The following COL25A1 variants were observed in gnomAD, a reference collection of about 807,000 sequenced individuals.
The protein encoded by COL25A1 is collagen alpha-1(XXV) chain.
A neutral mutation model predicts 128.4 loss-of-function variants in COL25A1; 103 were observed. The ratio of observed to expected loss-of-function variants is 0.80; its 90% CI spans 0.68 to 0.94. COL25A1 has a LOEUF of 0.94. Among genes scored for constraint, COL25A1 ranks in the 40% least tolerant of loss-of-function variants. COL25A1 has a pLI of 0.00. For missense variants in COL25A1, 745 were observed against 840.0 expected, an observed-to-expected ratio of 0.89 and a Z score of 1.40; for synonymous variants, 279 against 277.2, an observed-to-expected ratio of 1.01 and a Z score of -0.06.
chr4:109,087,587 T>C (rs1764527569), intron 3 of COL25A1, among the ~76,000 whole-genome samples: 1 of 152,242 alleles, frequency 6.6e-6, no homozygotes, highest in East Asian at 1.9e-4. Flanking sequence ...TCTACTCTAT[T>C]GAACCACACT....
chr4:109,172,862 A>T (rs190781599), intron 3 of COL25A1, among the ~76,000 whole-genome samples: 1 of 152,310 alleles, frequency 6.6e-6, no homozygotes, highest in East Asian at 1.9e-4. Context: ...TGGAAGATTC[A>T]TCATGGGGTA....
At chr4:109,227,365 G>A (rs373175414) in intron 3 of COL25A1, among the ~76,000 whole-genome samples, 2 of 152,174 alleles carry the variant, frequency 1.3e-5, no homozygotes, top group Non-Finnish European at 2.9e-5. Flanking sequence ...ATAATGAATT[G>A]TTACTATGTG....
intron 5 of COL25A1, among the ~76,000 whole-genome samples, chr4:109,041,373 A>T (rs964798417): frequency 1.0e-4 from 6 of 58,538 alleles, no homozygotes; most frequent in East Asian, 6.6e-4. Context: ...CCCCTTTTTT[A>T]AAAAAAAATC....
Position 108,913,261 on chromosome 4 carries a change from C to CTTTTTTTTTTT in COL25A1, c.780+4900_780+4910dup, listed in dbSNP as rs201929872. ...TTTGTGTGGTCTCTGTCTCTAGCTC[C>CTTTTTTTTTTT]TTTTTTTTTTTTTTTTTTTTTTAAG... On this transcript the variant is annotated intron_variant, in intron 13 of 37. Transcript: ENST00000399132. Among the ~76,000 whole-genome samples the CTTTTTTTTTTT allele has an allele frequency of 1.7e-3, 160 of 92,404 alleles. 23 individuals are homozygous for CTTTTTTTTTTT. The highest frequency in any genetic ancestry group is 6.0e-3 in the East Asian group (9 of 1,502). The allele number at this position is 92,404 out of a possible 152,430, so 60.6% of individuals were successfully genotyped here.
At position 108,974,529 on chromosome 4, in the gene COL25A1, T is replaced by C. The variant is rs1292213158; in HGVS notation, c.465+4A>G. 1 of 1,610,302 alleles carries C rather than the reference T, an allele frequency of 6.2e-7. No homozygotes were observed. The highest frequency in any genetic ancestry group is 8.5e-7 in the Non-Finnish European group (1 of 1,178,600). Reference sequence around the variant, plus strand: ...AACTTTATTTCTGGTATGCATTTTCTTACCTTATCGCCTTTTGGACCAGGA... The same window carrying C: ...AACTTTATTTCTGGTATGCATTTTCCTACCTTATCGCCTTTTGGACCAGGA... On this transcript the variant is annotated splice_donor_region_variant and intron_variant, in intron 7 of 37. Transcript: ENST00000399132.
chr4:108,915,284 T>C (rs1744736079), intron 13 of COL25A1, among the ~76,000 whole-genome samples: 1 of 152,238 alleles, frequency 6.6e-6, no homozygotes, highest in Non-Finnish European at 1.5e-5. Context: ...GGCCATCACC[T>C]ATTTTGCCAA....
intron 3 of COL25A1, among the ~76,000 whole-genome samples, chr4:109,052,522 A>G (rs1252722764): frequency 6.6e-6 from 1 of 152,214 alleles, no homozygotes; most frequent in African/African-American, 2.4e-5. Flanking sequence ...ATTTACAAAG[A>G]AAATATTGGA....
In COL25A1 at chr4:109,219,386, G is replaced by A. The variant is rs147684919; in HGVS notation, c.367+81197C>T. 3.7e-4 allele frequency among the ~76,000 whole-genome samples: 57 copies of A among 152,032 alleles called. 1 individual carries two copies. The highest frequency in any genetic ancestry group is 1.3e-3 in the African/African-American group (55 of 41,480). ...CAGTTTCTACCAACAGTCACACAGA[G>A]AATGAGTTTTTTTTTTAAGGTACAA... On this transcript the variant is annotated intron_variant, in intron 3 of 37. Coordinates refer to ENST00000399132, the MANE Select transcript of COL25A1 (RefSeq NM_198721.4).
intron 3 of COL25A1, among the ~76,000 whole-genome samples, chr4:109,283,949 G>GA (rs1723622543): frequency 6.6e-6 from 1 of 152,184 alleles, no homozygotes; most frequent in South Asian, 2.1e-4. Context: ...ATCTAAGTGG[G>GA]AAAAAACAGT....
At chr4:109,204,273 C>A (rs1776811125) in intron 3 of COL25A1, among the ~76,000 whole-genome samples, 1 of 152,004 alleles carries the variant, frequency 6.6e-6, no homozygotes, top group Admixed American at 6.6e-5. Context: ...TAAAGGATCC[C>A]AAAGTGGCTG....
intron 3 of COL25A1, among the ~76,000 whole-genome samples, chr4:109,159,488 C>G (rs2704105): frequency 0.065 from 9,905 of 152,182 alleles, 580 homozygotes; most frequent in African/African-American, 0.15. Flanking sequence ...CAGCACCACC[C>G]CTGTCCCACC....
At chr4:109,235,906 T>C (rs17040156) in intron 3 of COL25A1, among the ~76,000 whole-genome samples, 10,935 of 152,092 alleles carry the variant, frequency 0.072, 915 homozygotes, top group African/African-American at 0.2. Context: ...TTGGCACAGA[T>C]TGGGCAGTTA....
At chr4:109,134,566 T>C (rs1398265203) in intron 3 of COL25A1, among the ~76,000 whole-genome samples, 1 of 152,122 alleles carries the variant, frequency 6.6e-6, no homozygotes, top group Non-Finnish European at 1.5e-5. Context: ...TTATGATATC[T>C]ATAAGCATGA....
At chr4:109,214,861 A>G (rs1468581514) in intron 3 of COL25A1, among the ~76,000 whole-genome samples, 4 of 152,158 alleles carry the variant, frequency 2.6e-5, no homozygotes, top group African/African-American at 9.6e-5. Context: ...TGGCTGGCAT[A>G]GCGCTAACGA....
At position 109,064,413 on chromosome 4, in the gene COL25A1, T is replaced by A. The variant is rs1179516975; in HGVS notation, c.368-14234A>T. ...AGACATAATTACAAAGTTCTACAAG[T>A]AAATGGATAATAAGTTGATGTTAAT... On this transcript the variant is annotated intron_variant, in intron 3 of 37. Transcript: ENST00000399132. Among the ~76,000 whole-genome samples, 3 of 152,330 alleles carry A rather than the reference T, an allele frequency of 2.0e-5. No individual in the cohort carries two copies. The South Asian group carries it at 6.2e-4, about 32-fold the overall frequency.
chr4:109,250,060 AAAGAGT>A (rs1005001119), intron 3 of COL25A1, among the ~76,000 whole-genome samples: 7 of 152,144 alleles, frequency 4.6e-5, no homozygotes, highest in African/African-American at 1.7e-4. Flanking sequence ...TGTTATGTAG[AAAGAGT>A]AATAGCTTAA....
chr4:108,987,389 T>C (rs1213741767), intron 6 of COL25A1, among the ~76,000 whole-genome samples: 2 of 152,068 alleles, frequency 1.3e-5, no homozygotes, highest in Non-Finnish European at 2.9e-5. Context: ...TTTCTTTTTT[T>C]TTTTGAGATG....
intron 6 of COL25A1, among the ~76,000 whole-genome samples, chr4:108,980,709 T>C (rs916345069): frequency 4.6e-5 from 7 of 152,240 alleles, no homozygotes; most frequent in Non-Finnish European, 8.8e-5. Context: ...TATCACATTT[T>C]CTTTCCTCTA....
chr4:108,894,674 T>C (rs181116660), intron 16 of COL25A1, among the ~76,000 whole-genome samples: 98 of 152,276 alleles, frequency 6.4e-4, no homozygotes, highest in African/African-American at 2.3e-3. Context: ...AAATCTAAAA[T>C]ATTTATGTTC....
Sources: allele counts gnomAD v4.1 joint callset (sites outside exome capture counted in the v4.1 genomes callset), GRCh38; gene constraint gnomAD v4.1.1; transcripts MANE v1.5; gene names NCBI Gene and HGNC (gene_info 2026-07-23, HGNC 2026-07-21).